PABIR2: variants seen among roughly 807,000 people sequenced by gnomAD.
PABIR2 encodes family with sequence similarity 122B.
In PABIR2, 7 loss-of-function variants were observed where a neutral mutation model predicts 22.8. The observed-to-expected ratio is 0.31, with a 90% CI of 0.17 to 0.58. The LOEUF (loss-of-function observed/expected upper bound fraction) is 0.58, where lower values mean the gene tolerates loss of function less well. Among genes scored for constraint, PABIR2 ranks in the 20% least tolerant of loss-of-function variants. The probability of loss-of-function intolerance (pLI) is 0.89; values close to 1 mark genes in which losing one functional copy is unlikely to be tolerated. For synonymous variants in PABIR2, 67 were observed against 73.8 expected, an observed-to-expected ratio of 0.91 and a Z score of 0.47; for missense variants, 155 against 205.1, an observed-to-expected ratio of 0.76 and a Z score of 1.49.
rs753150171 is a variant in PABIR2 at position 134,788,809 on chromosome X, G to A, written c.356C>T (p.Pro119Leu). Residue 119 changes from proline to leucine, a missense_variant, in exon 6 of 10, where the codon CCG becomes CTG. By Grantham distance (98) the Pro-to-Leu change is moderately conservative. Transcript: ENST00000343004. ...TCTCTTAGGAGAATATAATTTCTCC[G>A]GCTTGTCAAAATCACTGTCACTCTG... ...LSLSDSDFDK[P>L]EKLYSPKRID... The A allele has an allele frequency of 1.9e-5, 23 of 1,205,365 alleles. No individual in the cohort carries two copies. The Middle Eastern group carries it at 1.4e-3, about 73-fold the overall frequency.
chrX:134,787,382 G>T, intron 7 of PABIR2, 90 bp downstream of exon 7: 1 of 906,968 alleles, frequency 1.1e-6, no homozygotes, highest in Non-Finnish European at 1.6e-6. Context: ...TTACAGGTGT[G>T]AGCCACTGCG....
At chrX:134,794,250 A>G (rs1311004224) in intron 1 of PABIR2, among the ~76,000 whole-genome samples, 3 of 111,523 alleles carry the variant, frequency 2.7e-5, no homozygotes, top group Non-Finnish European at 5.7e-5. Context: ...CAGAGAACCA[A>G]TGAGTACTGT....
At chrX:134,775,166 A>G (rs1286882663) in intron 9 of PABIR2, among the ~76,000 whole-genome samples, 3 of 111,904 alleles carry the variant, frequency 2.7e-5, no homozygotes, top group African/African-American at 9.7e-5. Flanking sequence ...TCCTTGAATC[A>G]AAACTGAACA....
chrX:134,772,485 C>T (rs2078859326), intron 9 of PABIR2, among the ~76,000 whole-genome samples: 2 of 111,734 alleles, frequency 1.8e-5, no homozygotes, highest in South Asian at 3.8e-4. Flanking sequence ...GGTCCTGTAT[C>T]ATTTGATTGT....
intron 7 of PABIR2, among the ~76,000 whole-genome samples, chrX:134,786,344 C>CT (rs747800984): frequency 1.2e-4 from 13 of 110,429 alleles, no homozygotes; most frequent in Non-Finnish European, 2.3e-4. Flanking sequence ...TGGTGAAACT[C>CT]TATCTCTACT....
chrX:134,782,235 A>C (rs1436996111), intron 8 of PABIR2, among the ~76,000 whole-genome samples: 1 of 111,845 alleles, frequency 8.9e-6, no homozygotes, highest in Non-Finnish European at 1.9e-5. Context: ...GGAATTCCCA[A>C]ATAACTGAAA....
At chrX:134,795,742 G>A (rs1449984136) in intron 1 of PABIR2, among the ~76,000 whole-genome samples, 1 of 112,178 alleles carries the variant, frequency 8.9e-6, no homozygotes, top group Non-Finnish European at 1.9e-5. Flanking sequence ...CTTAGAAATA[G>A]CAGCTCTGAG....
chrX:134,771,372 A>G lies in PABIR2; in HGVS notation c.*767T>C. On this transcript the variant is annotated 3_prime_UTR_variant, in exon 10 of 10. Coordinates refer to ENST00000343004, the MANE Select transcript of PABIR2 (RefSeq NM_001387468.1). ...AACACCACCTAGAAATATCAACAAT[A>G]TTTTATATATTCCTTAGGGCAACAG... is the stretch of plus-strand genomic sequence containing the variant. 8.7e-7 allele frequency: 1 copy of G among 1,147,679 alleles called. No homozygotes were observed. Among genetic ancestry groups the G allele is most frequent in the South Asian group, 2.0e-5 (1 of 51,086 alleles). 94.6% of individuals were successfully genotyped at this position (1,147,679 alleles called of 1,213,427 possible).
chrX:134,775,124 A>G (rs1243082885), intron 9 of PABIR2, among the ~76,000 whole-genome samples: 1 of 112,473 alleles, frequency 8.9e-6, no homozygotes, highest in Non-Finnish European at 1.9e-5. Flanking sequence ...ACAGTAAAAA[A>G]GGATCTGGAC....
chrX:134,785,760 A>T lies in PABIR2; in HGVS notation c.562+126T>A, dbSNP rs149829042. Reference sequence around the variant, plus strand: ...CCCAGCCCACGGTCAAGTTTTTAACACATCTTTTGCTTCACCTAGTTACCT... The same window carrying T: ...CCCAGCCCACGGTCAAGTTTTTAACTCATCTTTTGCTTCACCTAGTTACCT... On this transcript the variant is annotated intron_variant, in intron 8 of 9. Transcript: ENST00000343004. 4.7e-5 allele frequency: 31 copies of T among 665,719 alleles called. No individual in the cohort carries two copies. The African/African-American group carries it at 5.8e-4, about 13-fold the overall frequency. 54.9% of individuals were successfully genotyped at this position (665,719 alleles called of 1,213,427 possible). A position where few individuals can be genotyped will look rare whatever the true frequency, so the allele number is the denominator to read the frequency against.
intron 8 of PABIR2, 64 bp from the exon 9 acceptor site, chrX:134,781,981 T>C (rs1191164135): frequency 2.6e-6 from 2 of 763,666 alleles, no homozygotes; most frequent in East Asian, 3.4e-5. Flanking sequence ...GGTGCTAACA[T>C]ATGATGACCT....
At chrX:134,793,967 T>C (rs1465199518) in intron 1 of PABIR2, 74 bp from the exon 2 acceptor site, 26 of 1,156,986 alleles carry the variant, frequency 2.2e-5, no homozygotes, top group Non-Finnish European at 2.3e-6. Flanking sequence ...CTCTTTCAAA[T>C]ACATTAGCAT....
At chrX:134,787,243 G>A (rs1340600463) in intron 7 of PABIR2, among the ~76,000 whole-genome samples, 1 of 108,460 alleles carries the variant, frequency 9.2e-6, no homozygotes, top group Non-Finnish European at 1.9e-5. Context: ...GGGATTACAG[G>A]CGCCTGCCAC....
chrX:134,790,966 G>C (rs1001177532), intron 2 of PABIR2, among the ~76,000 whole-genome samples: 5 of 112,197 alleles, frequency 4.5e-5, no homozygotes, highest in East Asian at 2.8e-4. Flanking sequence ...CTGTGGAAGA[G>C]AGCGCAGACG....
chrX:134,784,634 C>T (rs1227096942), intron 8 of PABIR2, among the ~76,000 whole-genome samples: 2 of 110,046 alleles, frequency 1.8e-5, no homozygotes, highest in Admixed American at 9.8e-5. Context: ...AAGCCACCAA[C>T]GCCTGCTTAA....
intron 8 of PABIR2, 93 bp downstream of exon 8, chrX:134,785,793 G>T: frequency 1.1e-6 from 1 of 874,002 alleles, no homozygotes; most frequent in Non-Finnish European, 1.7e-6. Context: ...CCTTTCGTAT[G>T]TGTGTGGTAA....
chrX:134,789,747 A>C (rs2079491529), intron 2 of PABIR2, 111 bp from the exon 3 acceptor site: 1 of 670,524 alleles, frequency 1.5e-6, no homozygotes, highest in East Asian at 3.6e-5. Context: ...CTTCTTCAAA[A>C]TTTAGCTCTT....
rs1295333492 is a variant in PABIR2 at position 134,785,904 on chromosome X, C to T, written c.544G>A (p.Gly182Ser). Residue 182 changes from glycine (G) to serine (S), a missense_variant, in exon 8 of 10, where the codon GGT becomes AGT. Transcript: ENST00000343004. ...PVKCIRPSVL[G>S]PLKRKGEMET... ...TACATACCTTTTCTTTTAAGAGGAC[C>T]AAGAACACTGGGTCTAATGCACTTG... 8 of 1,209,699 alleles carry T rather than the reference C, an allele frequency of 6.6e-6. No homozygotes were observed. Among genetic ancestry groups the T allele is most frequent in the Non-Finnish European group, 7.8e-6 (7 of 894,879 alleles).
intron 9 of PABIR2, among the ~76,000 whole-genome samples, chrX:134,781,129 C>A (rs2079144719): frequency 8.9e-6 from 1 of 112,465 alleles, no homozygotes; most frequent in South Asian, 3.7e-4. Context: ...CACTGCCACA[C>A]CATTGGCAAC....
Sources: gnomAD v4.1 joint callset for allele counts (sites outside exome capture counted in the v4.1 genomes callset) on GRCh38, gnomAD v4.1.1 for gene constraint, MANE v1.5 for transcripts, NCBI Gene and HGNC (gene_info 2026-07-23, HGNC 2026-07-21) for gene names.